AGBL4: variants seen among roughly 807,000 people sequenced by gnomAD.
The protein encoded by AGBL4 is cytosolic carboxypeptidase 6.
A neutral mutation model predicts 66.4 loss-of-function variants in AGBL4; 58 were observed. The ratio of observed to expected loss-of-function variants is 0.87; its 90% CI spans 0.71 to 1.09. The LOEUF (loss-of-function observed/expected upper bound fraction) is 1.09. Ranked by LOEUF, AGBL4 falls within the 50% of genes least tolerant of loss-of-function variation. The pLI is 0.00. For synonymous variants in AGBL4, 234 were observed against 222.9 expected (o/e 1.05, Z -0.44); for missense variants, 579 against 631.0 (o/e 0.92, Z 0.88).
At chr1:49,277,878 A>G (rs923592065) in intron 3 of AGBL4, among the ~76,000 whole-genome samples, 2 of 152,180 alleles carry the variant, frequency 1.3e-5, no homozygotes, top group Non-Finnish European at 2.9e-5. Context: ...ATGGTGTTCA[A>G]TAAAGCAAGC....
intron 4 of AGBL4, among the ~76,000 whole-genome samples, chr1:49,065,256 G>T (rs1199946511): frequency 5.9e-5 from 9 of 152,164 alleles, no homozygotes; most frequent in Admixed American, 5.9e-4. Flanking sequence ...TGCCTCTATG[G>T]ACATACTAAA....
chr1:49,652,388 C>T (rs1460474128), intron 3 of AGBL4, among the ~76,000 whole-genome samples: 1 of 152,134 alleles, frequency 6.6e-6, no homozygotes, highest in Non-Finnish European at 1.5e-5. Context: ...CATCATCTTG[C>T]TTTTCCCACA....
At chr1:49,710,270 TG>T (rs1246736879) in intron 2 of AGBL4, among the ~76,000 whole-genome samples, 1 of 152,060 alleles carries the variant, frequency 6.6e-6, no homozygotes, top group East Asian at 1.9e-4. Flanking sequence ...ATAAAAAGGA[TG>T]AGTTCATGTC....
At chr1:49,294,009 T>C (rs1444201530) in intron 3 of AGBL4, among the ~76,000 whole-genome samples, 1 of 152,202 alleles carries the variant, frequency 6.6e-6, no homozygotes, top group African/African-American at 2.4e-5. Flanking sequence ...TTACCCTCTA[T>C]GGTTTTAAAG....
At chr1:49,341,315 G>A (rs1421370303) in intron 3 of AGBL4, among the ~76,000 whole-genome samples, 1 of 152,166 alleles carries the variant, frequency 6.6e-6, no homozygotes, top group Non-Finnish European at 1.5e-5. Context: ...TGTATGTGCA[G>A]TACCAGTTGG....
At chr1:49,697,565 C>G (rs1647011244) in intron 2 of AGBL4, 128 bp from the exon 3 acceptor site, 1 of 789,162 alleles carries the variant, frequency 1.3e-6, no homozygotes, top group East Asian at 2.9e-5. Flanking sequence ...GTTCAGTGTT[C>G]ACAATCCAAA....
intron 4 of AGBL4, among the ~76,000 whole-genome samples, chr1:49,103,658 C>T (rs954349838): frequency 6.6e-6 from 1 of 152,178 alleles, no homozygotes; most frequent in African/African-American, 2.4e-5. Flanking sequence ...CCCTAGGCTG[C>T]TCCCTCCAAA....
chr1:48,923,211 TTAAG>T (rs1167502939), intron 5 of AGBL4, among the ~76,000 whole-genome samples: 28 of 152,288 alleles, frequency 1.8e-4, no homozygotes, highest in African/African-American at 6.7e-4. Context: ...CTCCAAGAGA[TTAAG>T]TGACTATTCT....
chr1:49,228,802 C>T (rs965916764), intron 4 of AGBL4, among the ~76,000 whole-genome samples: 3 of 152,130 alleles, frequency 2.0e-5, no homozygotes, highest in Non-Finnish European at 4.4e-5. Flanking sequence ...GGTGGTGGCT[C>T]AGTTCAGTTC....
At chr1:49,025,505 TA>T (rs1268341463) in intron 5 of AGBL4, 1 of 152,188 alleles carries the variant, frequency 6.6e-6, no homozygotes, top group Non-Finnish European at 1.5e-5. Context: ...AGCACAGTTT[TA>T]AAACTCTAGA....
intron 11 of AGBL4, among the ~76,000 whole-genome samples, chr1:48,547,603 A>G (rs1422433250): frequency 6.6e-6 from 1 of 152,166 alleles, no homozygotes; most frequent in Non-Finnish European, 1.5e-5. Context: ...ATGGGAAAAA[A>G]TCAGAAAATG....
chr1:49,620,425 C>T (rs1645337170), intron 3 of AGBL4, among the ~76,000 whole-genome samples: 1 of 152,138 alleles, frequency 6.6e-6, no homozygotes, highest in Admixed American at 6.5e-5. Context: ...GAGATACCAT[C>T]TCATGCCATT....
intron 2 of AGBL4, among the ~76,000 whole-genome samples, chr1:49,784,346 T>G (rs1481365230): frequency 6.6e-6 from 1 of 152,068 alleles, no homozygotes; most frequent in East Asian, 1.9e-4. Flanking sequence ...GTCAATTGAT[T>G]TTTGACACAG....
chr1:49,398,584 C>T (rs141096235), intron 3 of AGBL4, among the ~76,000 whole-genome samples: 1 of 152,300 alleles, frequency 6.6e-6, no homozygotes, highest in Non-Finnish European at 1.5e-5. Context: ...ACATATCCTA[C>T]TGGTTGTGTT....
At chr1:49,349,815 A>C (rs1457992822) in intron 3 of AGBL4, among the ~76,000 whole-genome samples, 1 of 152,222 alleles carries the variant, frequency 6.6e-6, no homozygotes, top group Non-Finnish European at 1.5e-5. Flanking sequence ...AAGGTCATAT[A>C]GATGGGCCTT....
chr1:49,199,633 C>T (rs1280270463), intron 4 of AGBL4, among the ~76,000 whole-genome samples: 1 of 152,144 alleles, frequency 6.6e-6, no homozygotes, highest in Non-Finnish European at 1.5e-5. Flanking sequence ...GTCCTATTCT[C>T]TTGAAACAGT....
At chr1:49,694,010 T>A (rs1356528537) in intron 3 of AGBL4, among the ~76,000 whole-genome samples, 1 of 152,190 alleles carries the variant, frequency 6.6e-6, no homozygotes, top group Non-Finnish European at 1.5e-5. Flanking sequence ...CAACACCATA[T>A]GCTGCGAGCT....
At chr1:48,579,377 G>A (rs947173408) in intron 11 of AGBL4, among the ~76,000 whole-genome samples, 16 of 151,574 alleles carry the variant, frequency 1.1e-4, no homozygotes, top group South Asian at 2.1e-4. Flanking sequence ...ACAGGGGCCC[G>A]CCAACAAGTT....
intron 3 of AGBL4, among the ~76,000 whole-genome samples, chr1:49,412,761 T>A (rs1168169387): frequency 6.6e-6 from 1 of 152,036 alleles, no homozygotes; most frequent in African/African-American, 2.4e-5. Context: ...TTTATATGAA[T>A]TAAAGAGTAT....
Sources: allele counts gnomAD v4.1 joint callset (sites outside exome capture counted in the v4.1 genomes callset), GRCh38; gene constraint gnomAD v4.1.1; transcripts MANE v1.5; gene names NCBI Gene and HGNC (gene_info 2026-07-23, HGNC 2026-07-21).